SH3BGRL2: variants seen among roughly 807,000 people sequenced by gnomAD.
The protein encoded by SH3BGRL2 is SH3 domain binding glutamate rich protein like 2, also known as SH3 domain-binding glutamic acid-rich-like protein 2.
In SH3BGRL2, 21 loss-of-function variants were observed where a neutral mutation model predicts 14.8. That is an observed-to-expected ratio of 1.42 (90% CI 1.01 to 2.05). The LOEUF is 2.05. Ranked by LOEUF, SH3BGRL2 falls within the 30% of genes most tolerant of loss-of-function variation. SH3BGRL2 has a pLI of 0.00. For missense variants in SH3BGRL2, 147 were observed against 130.8 expected, an observed-to-expected ratio of 1.12 and a Z score of -0.61; for synonymous variants, 50 against 47.8, an observed-to-expected ratio of 1.05 and a Z score of -0.19.
chr6:79,560,970 C>G, the SH3BGRL2 span, among the ~76,000 whole-genome samples: 1 of 146,440 alleles, frequency 6.8e-6, no homozygotes, highest in East Asian at 2.0e-4. Context: ...AACCTCCGCC[C>G]CCTGAATTCA....
rs375344676 is a variant in SH3BGRL2 at position 79,698,271 on chromosome 6, G to A, written c.313-1227G>A. 4.3e-4 allele frequency among the ~76,000 whole-genome samples: 66 copies of A among 152,254 alleles called. 1 individual carries two copies. The South Asian group carries it at 0.013, about 29-fold the overall frequency. On this transcript the variant is annotated intron_variant, in intron 3 of 3. Coordinates refer to ENST00000369838, the MANE Select transcript of SH3BGRL2 (RefSeq NM_031469.4). ...AGCTAATAGTAACTCATACTTCATC[G>A]TCGTATGAGAGAAGTGAAAATGTCT...
At chr6:79,567,897 G>T in the SH3BGRL2 span, among the ~76,000 whole-genome samples, 1 of 152,138 alleles carries the variant, frequency 6.6e-6, no homozygotes, top group South Asian at 2.1e-4. Flanking sequence ...CTCCAGTAAA[G>T]ACACAGAAAC....
the SH3BGRL2 span, among the ~76,000 whole-genome samples, chr6:79,589,995 G>A: frequency 6.6e-6 from 1 of 152,028 alleles, no homozygotes; most frequent in South Asian, 2.1e-4. Context: ...CTGATCTCGA[G>A]CTTCTGGGCT....
rs1769836659 is a variant in SH3BGRL2, at chr6:79,674,218, AG to A, written c.231+424del. Among the ~76,000 whole-genome samples the A allele has an allele frequency of 2.6e-5, 4 of 152,148 alleles. No homozygotes were observed. In the South Asian group the frequency reaches 8.3e-4, roughly 32 times the overall value. On this transcript the variant is annotated intron_variant, in intron 2 of 3. Transcript: ENST00000369838. ...TACATTTTAGGGGGCAGAGTAGTAG[AG>A]GGGGATAATTATCTTTGAATATCCC...
chr6:79,564,613 G>A, the SH3BGRL2 span, among the ~76,000 whole-genome samples: 20 of 152,100 alleles, frequency 1.3e-4, no homozygotes, highest in Middle Eastern at 0.01. Flanking sequence ...TTTCAGCAAG[G>A]AGAGGCTTCC....
chr6:79,684,450 A>C (rs1311917458), intron 2 of SH3BGRL2, among the ~76,000 whole-genome samples: 2 of 151,642 alleles, frequency 1.3e-5, no homozygotes, highest in African/African-American at 2.4e-5. Context: ...TACCCTATTT[A>C]TCTTAGTATC....
In SH3BGRL2 at chr6:79,699,490, T is replaced by A; in HGVS notation, c.313-8T>A. 6 of 1,541,332 alleles carry A rather than the reference T, an allele frequency of 3.9e-6. No individual in the cohort carries two copies. The highest frequency in any genetic ancestry group is 5.2e-6 in the Non-Finnish European group (6 of 1,156,624). ...TTTTTTTTTTTTTTTTTTTTTTTTT[T>A]TTTATAGGCAGAACCTTAGAGAAGA... On this transcript the variant is annotated splice_polypyrimidine_tract_variant and splice_region_variant and intron_variant, in intron 3 of 3. Transcript: ENST00000369838.
intron 3 of SH3BGRL2, 67 bp downstream of exon 3, chr6:79,696,632 A>G (rs1770337885): frequency 6.6e-6 from 8 of 1,215,576 alleles, no homozygotes; most frequent in Non-Finnish European, 8.1e-6. Context: ...AGAGATGTAG[A>G]GTGACGGTGT....
At chr6:79,669,452 C>CTT (rs66477199) in intron 1 of SH3BGRL2, among the ~76,000 whole-genome samples, 12,013 of 122,842 alleles carry the variant, frequency 0.098, 766 homozygotes, top group Non-Finnish European at 0.12. Flanking sequence ...AATTTATATT[C>CTT]TTTTTTTTTT....
At chr6:79,597,326 AAAG>A in the SH3BGRL2 span, among the ~76,000 whole-genome samples, 13 of 151,388 alleles carry the variant, frequency 8.6e-5, no homozygotes, top group Non-Finnish European at 1.3e-4. Context: ...AGAGAAAAGA[AAAG>A]AAAAGAAAAA....
the SH3BGRL2 span, among the ~76,000 whole-genome samples, chr6:79,541,976 C>A: frequency 6.6e-6 from 1 of 152,110 alleles, no homozygotes; most frequent in Admixed American, 6.6e-5. Context: ...CTTTATAGCA[C>A]CCCTCCCCTC....
At chr6:79,641,150 TTG>T (rs373404859) in intron 1 of SH3BGRL2, among the ~76,000 whole-genome samples, 15,893 of 141,096 alleles carry the variant, frequency 0.11, 865 homozygotes, top group Non-Finnish European at 0.13. Context: ...TCTCACCCTT[TTG>T]TGTGTGTGTG....
chr6:79,649,985 T>TCTCTCTCTCACACACACACACA (rs765159303), intron 1 of SH3BGRL2, among the ~76,000 whole-genome samples: 4 of 141,980 alleles, frequency 2.8e-5, no homozygotes, highest in African/African-American at 5.3e-5. Context: ...TCTCTCTCTC[T>TCTCTCTCTCACACACACACACA]CACACACACA....
chr6:79,638,454 G>T (rs1418970293), intron 1 of SH3BGRL2, among the ~76,000 whole-genome samples: 1 of 152,074 alleles, frequency 6.6e-6, no homozygotes, highest in Non-Finnish European at 1.5e-5. Flanking sequence ...TTTTCCTTTG[G>T]ATAAATTCTC....
At chr6:79,564,530 A>T in the SH3BGRL2 span, among the ~76,000 whole-genome samples, 13 of 152,156 alleles carry the variant, frequency 8.5e-5, no homozygotes, top group Non-Finnish European at 1.5e-4. Context: ...CTAGGATTTG[A>T]TCCTGAGCTA....
chr6:79,562,416 C>T, the SH3BGRL2 span, among the ~76,000 whole-genome samples: 3 of 151,940 alleles, frequency 2.0e-5, no homozygotes, highest in South Asian at 2.1e-4. Flanking sequence ...CAAATTGGTC[C>T]CTAACTAACT....
the SH3BGRL2 span, among the ~76,000 whole-genome samples, chr6:79,587,292 G>A: frequency 6.6e-6 from 1 of 152,126 alleles, no homozygotes; most frequent in East Asian, 1.9e-4. Flanking sequence ...TGCAGAAATA[G>A]GAAGTAGGGG....
At chr6:79,624,899 C>T in the SH3BGRL2 span, among the ~76,000 whole-genome samples, 4 of 151,930 alleles carry the variant, frequency 2.6e-5, no homozygotes, top group African/African-American at 9.7e-5. Flanking sequence ...TGGGTGGGCT[C>T]CATGGCTCAC....
the SH3BGRL2 span, among the ~76,000 whole-genome samples, chr6:79,569,852 G>A: frequency 6.6e-6 from 1 of 152,088 alleles, no homozygotes; most frequent in East Asian, 1.9e-4. Context: ...CACAGTGTCT[G>A]CTTGGTTCCA....
Sources: allele counts gnomAD v4.1 joint callset (sites outside exome capture counted in the v4.1 genomes callset), GRCh38; gene constraint gnomAD v4.1.1; transcripts MANE v1.5; gene names NCBI Gene and HGNC (gene_info 2026-07-23, HGNC 2026-07-21).